Variants in SEC31A observed in about 807,000 individuals in gnomAD.
SEC31A encodes the protein protein transport protein Sec31A.
SEC31A carries 70 observed loss-of-function variants against 151.0 expected under a neutral mutation model. That is an observed-to-expected ratio of 0.46 (90% CI 0.38 to 0.57). The LOEUF (loss-of-function observed/expected upper bound fraction) is 0.57, where lower values mean the gene tolerates loss of function less well. Among genes scored for constraint, SEC31A ranks in the 20% least tolerant of loss-of-function variants. SEC31A has a pLI of 0.00. For missense variants in SEC31A, 1,330 were observed against 1,471.2 expected, an observed-to-expected ratio of 0.90 and a Z score of 1.57; for synonymous variants, 475 against 505.9, an observed-to-expected ratio of 0.94 and a Z score of 0.82.
intron 22 of SEC31A, among the ~76,000 whole-genome samples, chr4:82,834,149 G>A (rs796133308): frequency 1.1e-4 from 17 of 152,260 alleles, no homozygotes; most frequent in Non-Finnish European, 1.8e-4. Context: ...ATAAATGCCC[G>A]GTGAGTCACT....
intron 2 of SEC31A, among the ~76,000 whole-genome samples, 198 bp from the exon 3 acceptor site, chr4:82,881,120 G>A (rs763825755): frequency 6.6e-6 from 1 of 152,200 alleles, no homozygotes; most frequent in Non-Finnish European, 1.5e-5. Context: ...AGAGTGGGTA[G>A]TGTAAATAAT....
intron 22 of SEC31A, among the ~76,000 whole-genome samples, chr4:82,837,841 T>C (rs575269953): frequency 2.4e-4 from 36 of 152,276 alleles, no homozygotes; most frequent in Admixed American, 1.4e-3. Context: ...GGTACTCTTA[T>C]AGGAGCATAA....
In SEC31A at chr4:82,867,211, C is replaced by T. The variant is rs1735607823; in HGVS notation, c.988G>A (p.Val330Ile). The T allele has an allele frequency of 6.2e-7, 1 of 1,613,892 alleles. No homozygotes were observed. The highest frequency in any genetic ancestry group is 1.3e-5 in the African/African-American group (1 of 74,912). ...GTGCTACCTCCCATGATAGAATAAA[C>T]ACTGATACGCCCATCAAACGAAGCA... is the stretch of plus-strand genomic sequence containing the variant. ...SAASFDGRISVYSIMGGSTDG... is the reference protein window; with the variant it reads ...SAASFDGRISIYSIMGGSTDG... The change falls in exon 9 of 27, where the codon GTT (valine) becomes ATT (isoleucine). Residue 330 changes from valine to isoleucine, a missense_variant. Coordinates refer to ENST00000395310, the MANE Select transcript of SEC31A (RefSeq NM_001077207.4).
rs1326982120 is a variant in SEC31A at position 82,880,931 on chromosome 4, A to C, written c.80-9T>G. On this transcript the variant is annotated splice_polypyrimidine_tract_variant and intron_variant, in intron 2 of 26. Transcript: ENST00000395310. ...TTGCTGAGCAGATGTTCCTATAGAA[A>C]ATATATTTATGGTAACTATACACAC... 1.9e-6 allele frequency: 3 copies of C among 1,594,880 alleles called. No homozygotes were observed. The African/African-American group carries it at 4.1e-5, about 22-fold the overall frequency.
Position 82,818,906 on chromosome 4 carries a change from G to A in SEC31A, c.*168C>T, listed in dbSNP as rs1722755187. 1 of 424,742 alleles carries A rather than the reference G, an allele frequency of 2.4e-6. No homozygotes were observed. The highest frequency in any genetic ancestry group is 4.9e-4 in the Middle Eastern group (1 of 2,058). The allele number at this position is 424,742 out of a possible 1,614,324, so 26.3% of individuals were successfully genotyped here. A position where few individuals can be genotyped will look rare whatever the true frequency, so the allele number is the denominator to read the frequency against. On this transcript the variant is annotated 3_prime_UTR_variant, in exon 27 of 27. Transcript: ENST00000395310. ...AGATTAAAACAAAAATAAAGCACCAGGGTTCTGAGCAGTTCTAAGGTGAGT... is the reference window on the plus strand; with the variant it reads ...AGATTAAAACAAAAATAAAGCACCAAGGTTCTGAGCAGTTCTAAGGTGAGT...
At chr4:82,830,714 A>G (rs1725752331) in intron 22 of SEC31A, among the ~76,000 whole-genome samples, 1 of 152,236 alleles carries the variant, frequency 6.6e-6, no homozygotes, top group African/African-American at 2.4e-5. Context: ...CTTTATGTCT[A>G]TATAAAACAG....
In SEC31A at chr4:82,897,030, A is replaced by G. The variant is rs77137696; in HGVS notation, c.-2+2683T>C. 8.8e-4 allele frequency among the ~76,000 whole-genome samples: 134 copies of G among 152,292 alleles called. 3 individuals carry two copies. The East Asian group carries it at 0.019, about 22-fold the overall frequency. On this transcript the variant is annotated intron_variant, in intron 3 of 28. Coordinates refer to the SEC31A transcript ENST00000355196. ...AATGTTCCTAATTGGCAGAACACTAATTCGTGCCTGAGATTTATAATCTTT... is the reference window on the plus strand; with the variant it reads ...AATGTTCCTAATTGGCAGAACACTAGTTCGTGCCTGAGATTTATAATCTTT...
At position 82,848,813 on chromosome 4, in the gene SEC31A, A is replaced by G; in HGVS notation, c.2493T>C (p.Tyr831=). 1 of 1,612,898 alleles carries G rather than the reference A, an allele frequency of 6.2e-7. No individual in the cohort carries two copies. Among genetic ancestry groups the G allele is most frequent in the Non-Finnish European group, 8.5e-7 (1 of 1,179,636 alleles). Residue 831 remains tyrosine, a synonymous_variant, in exon 20 of 27, where the codon TAT becomes TAC. Transcript: ENST00000395310. ...HQMPRVQTQQ[Y]YPHGENPPPP... ...GGACCATATCACTCACATGGGGATA[A>G]TATTGTTGAGTTTGAACTCTTGGCA...
In SEC31A at chr4:82,875,833, A is replaced by G. The variant is rs527460761; in HGVS notation, c.403-11T>C. On this transcript the variant is annotated splice_polypyrimidine_tract_variant and intron_variant, in intron 4 of 26. Coordinates refer to ENST00000395310, the MANE Select transcript of SEC31A (RefSeq NM_001077207.4). ...AGCTACCAGATTAGTCTGCAAGAAG[A>G]AACCATAACTAAATAGCACTTATGA... 6.8e-7 allele frequency: 1 copy of G among 1,468,432 alleles called. No individual in the cohort carries two copies. The highest frequency in any genetic ancestry group is 1.8e-5 in the Admixed American group (1 of 56,724). The allele number at this position is 1,468,432 out of a possible 1,614,324, so 91.0% of individuals were successfully genotyped here. A position where few individuals can be genotyped will look rare whatever the true frequency, so the allele number is the denominator to read the frequency against.
At chr4:82,880,983 C>T (rs1479177086) in intron 2 of SEC31A, 61 bp from the exon 3 acceptor site, 4 of 1,426,178 alleles carry the variant, frequency 2.8e-6, no homozygotes, top group South Asian at 1.3e-5. Context: ...AGAAACCATA[C>T]AAAACAGAAG....
chr4:82,872,417 G>C (rs1332492248), intron 6 of SEC31A, among the ~76,000 whole-genome samples: 1 of 152,128 alleles, frequency 6.6e-6, no homozygotes, highest in Admixed American at 6.5e-5. Flanking sequence ...TTGAACTCCT[G>C]ACCTCAAATG....
At chr4:82,878,460 C>A (rs1368155377) in intron 4 of SEC31A, among the ~76,000 whole-genome samples, 5 of 152,124 alleles carry the variant, frequency 3.3e-5, no homozygotes, top group Non-Finnish European at 5.9e-5. Context: ...TGCCACTGCA[C>A]TCCAGCCTGG....
chr4:82,847,815 T>C (rs1311278377), intron 20 of SEC31A, among the ~76,000 whole-genome samples: 1 of 152,104 alleles, frequency 6.6e-6, no homozygotes, highest in East Asian at 1.9e-4. Flanking sequence ...TGGCAGGGTC[T>C]TAAAAAAATA....
chr4:82,830,080 G>A (rs1189411790), intron 22 of SEC31A, among the ~76,000 whole-genome samples: 1 of 152,096 alleles, frequency 6.6e-6, no homozygotes, highest in African/African-American at 2.4e-5. Context: ...TACATATTAA[G>A]TCACAAGAAA....
upstream of SEC31A, chr4:82,891,368 C>T (rs774721413): frequency 6.5e-6 from 4 of 618,594 alleles, no homozygotes; most frequent in Admixed American, 6.0e-5. Flanking sequence ...GTCATCGCGC[C>T]CCGGCGATCG....
rs2149552398 is a variant in SEC31A at position 82,867,321 on chromosome 4, GC to G, written c.883-6del. On this transcript the variant is annotated splice_polypyrimidine_tract_variant and splice_region_variant and intron_variant, in intron 8 of 26. Transcript: ENST00000395310. ...GGTGGGAAGTTCATATAACACCTAGGCCAACAAAAAACAAACAACAAAACTC... is the reference window on the plus strand; with the variant it reads ...GGTGGGAAGTTCATATAACACCTAGGCAACAAAAAACAAACAACAAAACTC... 6.2e-7 allele frequency: 1 copy of G among 1,611,406 alleles called. No individual in the cohort carries two copies. Among genetic ancestry groups the G allele is most frequent in the Non-Finnish European group, 8.5e-7 (1 of 1,178,648 alleles).
At chr4:82,878,355 G>A (rs59101585) in intron 4 of SEC31A, among the ~76,000 whole-genome samples, 41,925 of 151,674 alleles carry the variant, frequency 0.28, 6,821 homozygotes, top group East Asian at 0.49. Flanking sequence ...TTAGCTGGGC[G>A]TGGTGGCAGG....
In SEC31A at chr4:82,844,445, T is replaced by C. The variant is rs148483526; in HGVS notation, c.2567A>G (p.Gln856Arg). 5.6e-6 allele frequency: 9 copies of C among 1,614,016 alleles called. No homozygotes were observed. The South Asian group carries it at 8.8e-5, about 16-fold the overall frequency. The change falls in exon 21 of 27, where the codon CAG becomes CGG. Residue 856 changes from glutamine to arginine, a missense_variant. Transcript: ENST00000395310. ...HGNVNPNAAG[Q>R]LPTSPGHMHT... ...CATATGACCTGGAGATGTGGGAAGC[T>C]GACCAGCAGCATTTGGATTAACATT...
intron 25 of SEC31A, 144 bp downstream of exon 25, chr4:82,824,411 G>T (rs1254593689): frequency 7.9e-6 from 6 of 760,166 alleles, no homozygotes; most frequent in African/African-American, 5.4e-5. Flanking sequence ...TGCTATGTTG[G>T]CCAGGATGGT....
Sources: gnomAD v4.1 joint callset for allele counts (sites outside exome capture counted in the v4.1 genomes callset) on GRCh38, gnomAD v4.1.1 for gene constraint, MANE v1.5 for transcripts, NCBI Gene and HGNC (gene_info 2026-07-23, HGNC 2026-07-21) for gene names.